The following CEP128 variants were observed in gnomAD, a reference collection of about 807,000 sequenced individuals.
CEP128 encodes centrosomal protein 128, also known as centrosomal protein 128kDa.
Under a neutral mutation model 156.7 loss-of-function variants are expected in CEP128, and 132 were observed. The ratio of observed to expected loss-of-function variants is 0.84; its 90% CI spans 0.73 to 0.97. CEP128 has a LOEUF of 0.97. Ranked by LOEUF, CEP128 falls within the 50% of genes least tolerant of loss-of-function variation. The pLI is 0.00. For missense variants in CEP128, 1,252 were observed against 1,281.9 expected, an observed-to-expected ratio of 0.98 and a Z score of 0.36; for synonymous variants, 469 against 448.9, an observed-to-expected ratio of 1.04 and a Z score of -0.57.
intron 9 of CEP128, among the ~76,000 whole-genome samples, chr14:80,859,032 C>T (rs1887366306): frequency 6.6e-6 from 1 of 151,724 alleles, no homozygotes; most frequent in South Asian, 2.1e-4. Context: ...TTTAACCCAG[C>T]CATCCCATTA....
intron 19 of CEP128, among the ~76,000 whole-genome samples, chr14:80,656,303 A>ATATATATATTTT (rs1895155056): frequency 3.5e-4 from 6 of 17,184 alleles, no homozygotes; most frequent in African/African-American, 1.2e-3. Context: ...ATATATATAT[A>ATATATATATTTT]TATATATATA....
At chr14:80,677,381 G>C (rs1366144969) in intron 19 of CEP128, among the ~76,000 whole-genome samples, 1 of 151,860 alleles carries the variant, frequency 6.6e-6, no homozygotes, top group East Asian at 1.9e-4. Flanking sequence ...GGTGGTGACT[G>C]CCTGTGGTGC....
At chr14:80,841,743 T>C (rs1886358460) in intron 9 of CEP128, among the ~76,000 whole-genome samples, 1 of 152,010 alleles carries the variant, frequency 6.6e-6, no homozygotes, top group Non-Finnish European at 1.5e-5. Flanking sequence ...AGACAGGATA[T>C]AGATTCTGGC....
chr14:80,559,629 T>C (rs1017262640), intron 20 of CEP128, among the ~76,000 whole-genome samples: 5 of 152,360 alleles, frequency 3.3e-5, no homozygotes, highest in African/African-American at 9.6e-5. Context: ...GATTTGATTA[T>C]ATGAATCACA....
chr14:80,692,789 C>T (rs147386462), intron 19 of CEP128, among the ~76,000 whole-genome samples: 2 of 152,280 alleles, frequency 1.3e-5, no homozygotes, highest in Non-Finnish European at 2.9e-5. Context: ...CAGTTTTCTC[C>T]AGACCAGCTC....
chr14:80,724,874 G>A (rs182156456), intron 19 of CEP128, among the ~76,000 whole-genome samples: 193 of 150,520 alleles, frequency 1.3e-3, no homozygotes, highest in Middle Eastern at 7.0e-3. Flanking sequence ...TTGCCTTGTT[G>A]TTTGCTCCTT....
At chr14:80,707,696 TC>T (rs1897272645) in intron 19 of CEP128, among the ~76,000 whole-genome samples, 1 of 152,204 alleles carries the variant, frequency 6.6e-6, no homozygotes, top group Admixed American at 6.5e-5. Flanking sequence ...ACCTTAGTAA[TC>T]TATCCATAAA....
rs544890482 is a variant in CEP128 at position 80,898,422 on chromosome 14, T to C, written c.572+1516A>G. Among the ~76,000 whole-genome samples, 123 of 152,294 alleles carry C rather than the reference T, an allele frequency of 8.1e-4. 1 individual carries two copies. The highest frequency in any genetic ancestry group is 1.8e-3 in the Admixed American group (28 of 15,290). ...TCCTATTTTGGGTAAAACAAAGTTT[T>C]CTGCCTCAAACATGCCTCTAGGTCA... On this transcript the variant is annotated intron_variant, in intron 7 of 24. Transcript: ENST00000555265.
intron 10 of CEP128, among the ~76,000 whole-genome samples, chr14:80,839,569 C>G (rs563424752): frequency 6.6e-6 from 1 of 152,088 alleles, no homozygotes; most frequent in South Asian, 2.1e-4. Flanking sequence ...TCTGTATAAA[C>G]TAAGTAGATT....
At chr14:80,698,771 C>G (rs995634083) in intron 19 of CEP128, among the ~76,000 whole-genome samples, 2 of 151,906 alleles carry the variant, frequency 1.3e-5, no homozygotes, top group Non-Finnish European at 2.9e-5. Flanking sequence ...ACCCAAACCC[C>G]ATTCTTAAAA....
chr14:80,572,511 G>A (rs1026225167), intron 20 of CEP128, among the ~76,000 whole-genome samples: 6 of 152,146 alleles, frequency 3.9e-5, no homozygotes, highest in African/African-American at 1.4e-4. Context: ...GTCTGTCTAG[G>A]GATGTGCTGT....
chr14:80,765,270 T>C (rs1274076988), intron 16 of CEP128, among the ~76,000 whole-genome samples: 3 of 152,214 alleles, frequency 2.0e-5, no homozygotes, highest in African/African-American at 7.2e-5. Flanking sequence ...AAGTAGCGCT[T>C]TCTCGCAGTT....
chr14:80,852,078 A>G (rs1225059888), intron 9 of CEP128, among the ~76,000 whole-genome samples: 1 of 152,056 alleles, frequency 6.6e-6, no homozygotes, highest in African/African-American at 2.4e-5. Flanking sequence ...TTAAATTTAT[A>G]TATGTGTGTG....
At chr14:80,642,089 C>CAAA (rs71103870) in intron 19 of CEP128, among the ~76,000 whole-genome samples, 33 of 91,486 alleles carry the variant, frequency 3.6e-4, no homozygotes, top group Middle Eastern at 6.4e-3. Context: ...GACTCCGTTT[C>CAAA]AAAAAAAAAA....
At chr14:80,635,043 T>C (rs1354044953) in intron 19 of CEP128, among the ~76,000 whole-genome samples, 2 of 152,176 alleles carry the variant, frequency 1.3e-5, no homozygotes, top group African/African-American at 4.8e-5. Flanking sequence ...TACAGTGTCT[T>C]CTAAAATATC....
chr14:80,678,064 G>GTATATA (rs1274703937), intron 19 of CEP128, among the ~76,000 whole-genome samples: 1 of 27,444 alleles, frequency 3.6e-5, no homozygotes, highest in Non-Finnish European at 1.1e-4. Flanking sequence ...ATATATATAT[G>GTATATA]TATATATATA....
chr14:80,572,839 G>A (rs909095866), intron 20 of CEP128, among the ~76,000 whole-genome samples: 21 of 152,166 alleles, frequency 1.4e-4, no homozygotes, highest in Non-Finnish European at 2.9e-5. Flanking sequence ...AACTGTAAAG[G>A]GGATAGTGTA....
intron 20 of CEP128, among the ~76,000 whole-genome samples, chr14:80,575,287 C>T (rs1002544832): frequency 3.3e-5 from 5 of 151,948 alleles, no homozygotes; most frequent in African/African-American, 4.8e-5. Context: ...CTTATGACAA[C>T]ATTTAGATTA....
downstream of CEP128, among the ~76,000 whole-genome samples, chr14:80,488,623 C>A (rs1233361533): frequency 6.6e-6 from 1 of 152,024 alleles, no homozygotes; most frequent in East Asian, 2.0e-4. Flanking sequence ...ACCCAGCCAT[C>A]CCATTACTGG....
Sources: gnomAD v4.1 joint callset for allele counts (sites outside exome capture counted in the v4.1 genomes callset) on GRCh38, gnomAD v4.1.1 for gene constraint, MANE v1.5 for transcripts, NCBI Gene and HGNC (gene_info 2026-07-23, HGNC 2026-07-21) for gene names.